UTP6: variants seen among roughly 807,000 people sequenced by gnomAD.
UTP6 encodes U3 small nucleolar RNA-associated protein 6 homolog.
A neutral mutation model predicts 96.5 loss-of-function variants in UTP6; 60 were observed. That is an observed-to-expected ratio of 0.62 (90% CI 0.51 to 0.77). The LOEUF (loss-of-function observed/expected upper bound fraction) is 0.77, where lower values mean the gene tolerates loss of function less well. UTP6 is among the 30% of genes least tolerant of loss of function. The pLI is 0.00. For synonymous variants in UTP6, 215 were observed against 240.1 expected (o/e 0.90, Z 0.96); for missense variants, 637 against 706.5 (o/e 0.90, Z 1.12).
chr17:31,878,284 A>G lies in UTP6; in HGVS notation c.1091T>C (p.Leu364Pro), dbSNP rs1910615406. Reference protein sequence around the residue: ...TMTVFRKAHELKLLSECQYKQ... With the variant: ...TMTVFRKAHEPKLLSECQYKQ... ...GTATTGGCATTCTGACAGAAGCTTC[A>G]GTTCATGTGCCTTCCTGAATACAGT... Residue 364 changes from leucine to proline, a missense_variant, in exon 13 of 19, where the codon CTG becomes CCG. Physicochemically the swap from Leu to Pro is moderately conservative, Grantham distance 98. Transcript: ENST00000261708. 1.2e-6 allele frequency: 2 copies of G among 1,614,200 alleles called. No individual in the cohort carries two copies. Among genetic ancestry groups the G allele is most frequent in the Non-Finnish European group, 1.7e-6 (2 of 1,180,040 alleles).
Position 31,876,454 on chromosome 17 carries a change from G to A in UTP6, c.1126-1041C>T, listed in dbSNP as rs548261810. On this transcript the variant is annotated intron_variant, in intron 13 of 18. Transcript: ENST00000261708. ...AAGGTCGGGAGTTCAAGACCAGCCT[G>A]ACCAACATGGAGAAACCCTGTCACT... is the stretch of plus-strand genomic sequence containing the variant. Among the ~76,000 whole-genome samples the A allele has an allele frequency of 9.0e-4, 131 of 145,546 alleles. 1 individual carries two copies. Among genetic ancestry groups the A allele is most frequent in the South Asian group, 6.8e-3 (31 of 4,532 alleles).
At chr17:31,879,683 T>A (rs577304920) in intron 11 of UTP6, among the ~76,000 whole-genome samples, 1 of 150,022 alleles carries the variant, frequency 6.7e-6, no homozygotes, top group East Asian at 2.0e-4. Context: ...AAAAAAAACA[T>A]AGATAATTAA....
chr17:31,880,472 G>T, intron 11 of UTP6, 101 bp downstream of exon 11: 2 of 1,360,034 alleles, frequency 1.5e-6, no homozygotes, highest in Non-Finnish European at 2.1e-6. Context: ...ATGTTACAGA[G>T]ACATCCCCAA....
At chr17:31,892,010 G>A (rs1478482198) in intron 6 of UTP6, 3 of 446,344 alleles carry the variant, frequency 6.7e-6, no homozygotes, top group East Asian at 4.0e-5. Context: ...GCGACAGAGC[G>A]AGACTCCGTC....
At chr17:31,877,704 A>G (rs1910572756) in intron 13 of UTP6, among the ~76,000 whole-genome samples, 1 of 152,034 alleles carries the variant, frequency 6.6e-6, no homozygotes, top group Non-Finnish European at 1.5e-5. Flanking sequence ...ATGATGGCTC[A>G]TGCCTTAGTC....
chr17:31,889,740 C>T (rs1002268106), intron 6 of UTP6, among the ~76,000 whole-genome samples: 11 of 151,784 alleles, frequency 7.2e-5, no homozygotes, highest in Admixed American at 6.6e-5. Context: ...CCTCGTGATC[C>T]GCCCGCCTCG....
Position 31,873,694 on chromosome 17 carries a change from T to G in UTP6, c.1365A>C (p.Glu455Asp). 6.2e-7 allele frequency: 1 copy of G among 1,613,410 alleles called. No homozygotes were observed. Among genetic ancestry groups the G allele is most frequent in the Non-Finnish European group, 8.5e-7 (1 of 1,179,900 alleles). ...AEWSEGAKSQ[E>D]DTEAVFKKAL... is the part of the protein sequence containing the mutation. ...ATACCTTAAAGACTGCCTCAGTGTC[T>G]TCTTGGCTTTTGGCACCTTCACTCC... is the stretch of plus-strand genomic sequence containing the variant. Residue 455 changes from glutamate (E) to aspartate (D), a missense_variant, in exon 15 of 19, where the codon GAA (glutamate) becomes GAC (aspartate). Coordinates refer to ENST00000261708, the MANE Select transcript of UTP6 (RefSeq NM_018428.3).
intron 16 of UTP6, among the ~76,000 whole-genome samples, chr17:31,870,669 C>T (rs1910110215): frequency 6.6e-6 from 1 of 151,566 alleles, no homozygotes; most frequent in Non-Finnish European, 1.5e-5. Context: ...CTACAGGCGC[C>T]CGCCACCACA....
rs1326375891 is a variant in UTP6 at position 31,861,713 on chromosome 17, A to G, written c.*1646T>C. 1 of 152,228 alleles carries G rather than the reference A, an allele frequency of 6.6e-6. No homozygotes were observed. The highest frequency in any genetic ancestry group is 1.5e-5 in the Non-Finnish European group (1 of 68,050). The allele number at this position is 152,228 out of a possible 1,614,324, so 9.4% of individuals were successfully genotyped here. A position where few individuals can be genotyped will look rare whatever the true frequency, so the allele number is the denominator to read the frequency against. On this transcript the variant is annotated 3_prime_UTR_variant, in exon 19 of 19. Transcript: ENST00000261708. ...GAGAAACATAAAATACACTAACTTC[A>G]CTAATATCAAAGTATGGTAAAACAA...
intron 9 of UTP6, among the ~76,000 whole-genome samples, chr17:31,885,572 A>G (rs575667035): frequency 6.6e-6 from 1 of 152,020 alleles, no homozygotes; most frequent in Non-Finnish European, 1.5e-5. Context: ...GGCAGGTCAC[A>G]AGGTCAGGAG....
At chr17:31,867,912 A>C (rs1909918773) in intron 17 of UTP6, 134 bp downstream of exon 17, 5 of 696,058 alleles carry the variant, frequency 7.2e-6, no homozygotes, top group Non-Finnish European at 1.1e-5. Flanking sequence ...AGCCAAGATC[A>C]CGCCACTGCA....
chr17:31,894,268 C>CAAAAA (rs1179270340), intron 4 of UTP6, among the ~76,000 whole-genome samples: 1 of 63,006 alleles, frequency 1.6e-5, no homozygotes, highest in African/African-American at 5.7e-5. Flanking sequence ...GACCTTATCT[C>CAAAAA]AAAAAAAAAA....
In UTP6 at chr17:31,866,913, A is replaced by AAC. The variant is rs58862601; in HGVS notation, c.1563+1132_1563+1133insGT. On this transcript the variant is annotated intron_variant, in intron 17 of 18. Transcript: ENST00000261708. ...AAAAAAAAAAAAAAAAAAAAAAAAA[A>AAC]GTCAATTTAACCTCATATTTTAGAC... is the stretch of plus-strand genomic sequence containing the variant. Among the ~76,000 whole-genome samples, 63 of 147,268 alleles carry AAC rather than the reference A, an allele frequency of 4.3e-4. 1 individual carries two copies. Among genetic ancestry groups the AAC allele is most frequent in the Admixed American group, 8.9e-4 (13 of 14,598 alleles).
At chr17:31,900,417 G>T (rs556472989) in intron 1 of UTP6, among the ~76,000 whole-genome samples, 4 of 151,738 alleles carry the variant, frequency 2.6e-5, no homozygotes, top group East Asian at 3.9e-4. Context: ...TCAGACTCCC[G>T]AGTAGCTGGG....
intron 2 of UTP6, among the ~76,000 whole-genome samples, chr17:31,897,943 T>C (rs979450627): frequency 6.6e-6 from 1 of 152,124 alleles, no homozygotes; most frequent in African/African-American, 2.4e-5. Context: ...AGACAATAGA[T>C]AAACAAGCAG....
chr17:31,872,305 C>T (rs972713614), intron 16 of UTP6, among the ~76,000 whole-genome samples: 10 of 151,906 alleles, frequency 6.6e-5, no homozygotes, highest in Admixed American at 2.0e-4. Flanking sequence ...ATTTTTCCTT[C>T]GATGATGTAA....
At chr17:31,871,669 A>C (rs1910178214) in intron 16 of UTP6, among the ~76,000 whole-genome samples, 1 of 151,966 alleles carries the variant, frequency 6.6e-6, no homozygotes, top group South Asian at 2.1e-4. Flanking sequence ...TGAGCTGGGC[A>C]GATTGCTTGG....
intron 10 of UTP6, among the ~76,000 whole-genome samples, chr17:31,883,800 C>T (rs1390228702): frequency 1.3e-5 from 2 of 151,758 alleles, no homozygotes; most frequent in Non-Finnish European, 2.9e-5. Context: ...CCTCAGCCTC[C>T]AGAGTAGGTA....
chr17:31,865,872 T>G (rs1431687776), intron 17 of UTP6, among the ~76,000 whole-genome samples: 3 of 152,132 alleles, frequency 2.0e-5, no homozygotes, highest in African/African-American at 7.2e-5. Context: ...CTTCAGCAAG[T>G]TTTTGAACCC....
Sources: gnomAD v4.1 joint callset for allele counts (sites outside exome capture counted in the v4.1 genomes callset) on GRCh38, gnomAD v4.1.1 for gene constraint, MANE v1.5 for transcripts, NCBI Gene and HGNC (gene_info 2026-07-23, HGNC 2026-07-21) for gene names.